The following CDH8 variants were observed in gnomAD, a reference collection of about 807,000 sequenced individuals.
CDH8 encodes cadherin-8.
In CDH8, 17 loss-of-function variants were observed where a neutral mutation model predicts 68.1. The ratio of observed to expected loss-of-function variants is 0.25; its 90% CI spans 0.17 to 0.37. The LOEUF is 0.37. Among genes scored for constraint, CDH8 ranks in the 10% least tolerant of loss-of-function variants. The probability of loss-of-function intolerance (pLI) is 1.00; values close to 1 mark genes in which losing one functional copy is unlikely to be tolerated. For missense variants in CDH8, 763 were observed against 999.3 expected, an observed-to-expected ratio of 0.76 and a Z score of 3.19; for synonymous variants, 372 against 365.1, an observed-to-expected ratio of 1.02 and a Z score of -0.21.
At chr16:61,734,240 C>T (rs1278969937) in intron 8 of CDH8, among the ~76,000 whole-genome samples, 1 of 152,074 alleles carries the variant, frequency 6.6e-6, no homozygotes, top group Non-Finnish European at 1.5e-5. Context: ...AGAGGATGGA[C>T]TTTGAACATT....
In CDH8 at chr16:61,803,579, G is replaced by A. The variant is rs1212223841; in HGVS notation, c.1277+13900C>T. 5.9e-5 allele frequency among the ~76,000 whole-genome samples: 9 copies of A among 152,210 alleles called. No individual in the cohort carries two copies. In the East Asian group the frequency reaches 7.7e-4, roughly 13 times the overall value. ...GCTGTATTCAGGAAGCCCATCTCAC[G>A]TGCAGAGACACACATAGGTTCAAAA... is the stretch of plus-strand genomic sequence containing the variant. On this transcript the variant is annotated intron_variant, in intron 7 of 11. Coordinates refer to ENST00000577390, the MANE Select transcript of CDH8 (RefSeq NM_001796.5).
intron 2 of CDH8, among the ~76,000 whole-genome samples, chr16:62,009,105 C>G (rs1901744129): frequency 6.6e-6 from 1 of 151,680 alleles, no homozygotes; most frequent in Non-Finnish European, 1.5e-5. Context: ...TTTTGAGTGG[C>G]TAGGGAGTCT....
intron 2 of CDH8, among the ~76,000 whole-genome samples, chr16:61,954,617 G>A (rs1223610659): frequency 6.6e-6 from 1 of 151,298 alleles, no homozygotes; most frequent in African/African-American, 2.4e-5. Flanking sequence ...CAGGGGAATG[G>A]CGTGAACCCG....
intron 10 of CDH8, among the ~76,000 whole-genome samples, chr16:61,706,620 C>CAAAA (rs781148249): frequency 0.11 from 6,804 of 60,266 alleles, 603 homozygotes; most frequent in East Asian, 0.17. Context: ...GACTCTGTCT[C>CAAAA]AAAAAAAAAA....
chr16:61,727,762 G>A (rs1479410888), intron 8 of CDH8, among the ~76,000 whole-genome samples: 1 of 150,918 alleles, frequency 6.6e-6, no homozygotes. Context: ...AATTGACCCT[G>A]GAATATTTTT....
chr16:61,850,341 A>T (rs977996604), intron 4 of CDH8, among the ~76,000 whole-genome samples: 6 of 152,060 alleles, frequency 3.9e-5, no homozygotes, highest in Admixed American at 2.0e-4. Context: ...GCACCAAATC[A>T]TTCATAAGGG....
At chr16:61,703,208 T>C (rs1002158579) in intron 10 of CDH8, among the ~76,000 whole-genome samples, 1 of 152,186 alleles carries the variant, frequency 6.6e-6, no homozygotes, top group Non-Finnish European at 1.5e-5. Flanking sequence ...GGGGAAATTA[T>C]ATACTACATT....
chr16:61,931,761 TATAAGACG>T (rs1311291727), intron 2 of CDH8, among the ~76,000 whole-genome samples: 1 of 152,190 alleles, frequency 6.6e-6, no homozygotes, highest in Non-Finnish European at 1.5e-5. Context: ...TACCCACAGT[TATAAGACG>T]TACCCTTAAA....
intron 7 of CDH8, among the ~76,000 whole-genome samples, chr16:61,800,704 G>A (rs901309709): frequency 6.6e-6 from 1 of 152,124 alleles, no homozygotes; most frequent in Non-Finnish European, 1.5e-5. Flanking sequence ...TCATGGGGTA[G>A]AGCTAATAAA....
chr16:61,953,763 G>T (rs1232947535), intron 2 of CDH8, among the ~76,000 whole-genome samples: 5 of 151,122 alleles, frequency 3.3e-5, no homozygotes, highest in Non-Finnish European at 5.9e-5. Context: ...CAGCTACTTG[G>T]GGGGCTGAGG....
At chr16:61,972,581 T>G (rs924115016) in intron 2 of CDH8, among the ~76,000 whole-genome samples, 1 of 149,702 alleles carries the variant, frequency 6.7e-6, no homozygotes, top group Non-Finnish European at 1.5e-5. Flanking sequence ...GGTGTGTGTG[T>G]GTGTGTGTGT....
intron 10 of CDH8, among the ~76,000 whole-genome samples, chr16:61,669,946 G>A (rs1473761267): frequency 6.6e-6 from 1 of 151,970 alleles, no homozygotes; most frequent in African/African-American, 2.4e-5. Context: ...AACAAGCTAT[G>A]TTTCTTTCTA....
chr16:61,855,976 T>C (rs1258264306), intron 4 of CDH8, among the ~76,000 whole-genome samples: 2 of 152,166 alleles, frequency 1.3e-5, no homozygotes, highest in Non-Finnish European at 2.9e-5. Flanking sequence ...AAGAGTTCTT[T>C]CCTGTTTCCA....
chr16:61,825,750 T>C (rs1962317245), intron 4 of CDH8, among the ~76,000 whole-genome samples: 1 of 151,990 alleles, frequency 6.6e-6, no homozygotes, highest in Non-Finnish European at 1.5e-5. Flanking sequence ...GCTATATTTA[T>C]ATTTTAATTC....
At position 61,908,893 on chromosome 16, in the gene CDH8, T is replaced by C. The variant is rs560453404; in HGVS notation, c.253-7420A>G. Among the ~76,000 whole-genome samples, 6 of 152,274 alleles carry C rather than the reference T, an allele frequency of 3.9e-5. No homozygotes were observed. In the South Asian group the frequency reaches 8.3e-4, roughly 21 times the overall value. ...CCCAAAATTTTAGTTAAAATTAAGT[T>C]TGGAATATGCAATGACCCTCATGAT... On this transcript the variant is annotated intron_variant, in intron 2 of 11. Coordinates refer to ENST00000577390, the MANE Select transcript of CDH8 (RefSeq NM_001796.5).
chr16:61,916,927 T>A (rs185106659), intron 2 of CDH8, among the ~76,000 whole-genome samples: 6 of 152,334 alleles, frequency 3.9e-5, no homozygotes. Context: ...TGTCATATTA[T>A]GAAGTGCTGA....
rs112255274 is a variant in CDH8, at chr16:61,713,993, G to T, written c.1537-35C>A. 4.0e-5 allele frequency: 48 copies of T among 1,211,128 alleles called. No individual in the cohort carries two copies. In the African/African-American group the frequency reaches 4.6e-4, roughly 12 times the overall value. The allele number at this position is 1,211,128 out of a possible 1,614,324, so 75.0% of individuals were successfully genotyped here. On this transcript the variant is annotated intron_variant, in intron 9 of 11. Coordinates refer to ENST00000577390, the MANE Select transcript of CDH8 (RefSeq NM_001796.5). ...AAAACTTGACGTCAGCATTTCTGAT[G>T]ATTTCAGAGGCTCCTGCCATCGGTA...
At chr16:61,677,480 C>T (rs890757303) in intron 10 of CDH8, among the ~76,000 whole-genome samples, 6 of 151,980 alleles carry the variant, frequency 3.9e-5, no homozygotes, top group Admixed American at 3.3e-4. Context: ...GGTCCTCTGG[C>T]CCTACTAGGA....
At chr16:61,816,977 A>G (rs1298378401) in intron 7 of CDH8, among the ~76,000 whole-genome samples, 1 of 152,118 alleles carries the variant, frequency 6.6e-6, no homozygotes, top group Non-Finnish European at 1.5e-5. Context: ...AGATCATTTC[A>G]AAGCCAAACA....
Sources: gnomAD v4.1 joint callset for allele counts (sites outside exome capture counted in the v4.1 genomes callset) on GRCh38, gnomAD v4.1.1 for gene constraint, MANE v1.5 for transcripts, NCBI Gene and HGNC (gene_info 2026-07-23, HGNC 2026-07-21) for gene names.